PFKFB3: variants seen among roughly 807,000 people sequenced by gnomAD.
PFKFB3 encodes 6-phosphofructo-2-kinase/fructose-2,6-biphosphatase 3, also known as 6-phosphofructo-2-kinase/fructose-2,6-bisphosphatase 3.
Under a neutral mutation model 68.0 loss-of-function variants are expected in PFKFB3, and 33 were observed. That is an observed-to-expected ratio of 0.49 (90% CI 0.37 to 0.65). The LOEUF is 0.65. PFKFB3 is among the 30% of genes least tolerant of loss of function. The probability of loss-of-function intolerance (pLI) is 0.00; values close to 1 mark genes in which losing one functional copy is unlikely to be tolerated. For missense variants in PFKFB3, 586 were observed against 712.2 expected (o/e 0.82, Z 2.02); for synonymous variants, 315 against 288.2 (o/e 1.09, Z -0.94).
At chr10:6,178,932 A>G (rs777635167) in intron 1 of PFKFB3, among the ~76,000 whole-genome samples, 1 of 152,120 alleles carries the variant, frequency 6.6e-6, no homozygotes, top group Non-Finnish European at 1.5e-5. Flanking sequence ...ACTACCAGCC[A>G]CCACCTCCCC....
chr10:6,231,317 A>G, intron 14 of PFKFB3: 1 of 1,612,398 alleles, frequency 6.2e-7, no homozygotes, highest in East Asian at 2.2e-5. Flanking sequence ...TGTGGAAGGT[A>G]AATGCCTGGG....
chr10:6,167,996 G>T (rs1441044360), intron 1 of PFKFB3, among the ~76,000 whole-genome samples: 1 of 152,142 alleles, frequency 6.6e-6, no homozygotes, highest in African/African-American at 2.4e-5. Flanking sequence ...CTTCATCTGC[G>T]TCATCTCTAA....
the PFKFB3 span, among the ~76,000 whole-genome samples, chr10:6,305,489 G>A: frequency 6.6e-6 from 1 of 152,070 alleles, no homozygotes; most frequent in Non-Finnish European, 1.5e-5. Flanking sequence ...CCAATTTGTA[G>A]GCATTCCTAC....
intron 14 of PFKFB3, chr10:6,226,575 A>C: frequency 1.8e-6 from 1 of 559,674 alleles, no homozygotes; most frequent in South Asian, 2.2e-5. Flanking sequence ...GCACCCTCCG[A>C]AGTTAAGATC....
intron 1 of PFKFB3, among the ~76,000 whole-genome samples, chr10:6,169,602 C>T (rs575497102): frequency 1.3e-5 from 2 of 152,072 alleles, no homozygotes; most frequent in African/African-American, 4.8e-5. Flanking sequence ...ATGGTGAAGG[C>T]GGGTGGCTGA....
chr10:6,296,157 A>AATG, the PFKFB3 span, among the ~76,000 whole-genome samples: 1 of 152,210 alleles, frequency 6.6e-6, no homozygotes, highest in East Asian at 1.9e-4. Context: ...TTGTTGCAAG[A>AATG]ATGGGAGAGA....
intron 1 of PFKFB3, among the ~76,000 whole-genome samples, chr10:6,170,910 C>G (rs1208903018): frequency 6.6e-6 from 1 of 152,098 alleles, no homozygotes; most frequent in East Asian, 1.9e-4. Context: ...TGACAGGTCC[C>G]CAGGGGAAAT....
chr10:6,238,521 A>G (rs1467549808), downstream of PFKFB3, among the ~76,000 whole-genome samples: 1 of 149,196 alleles, frequency 6.7e-6, no homozygotes. Flanking sequence ...GGAATGCCAT[A>G]GTTCTCAGAC....
chr10:6,225,873 T>C (rs1390010852), intron 13 of PFKFB3, among the ~76,000 whole-genome samples: 1 of 152,158 alleles, frequency 6.6e-6, no homozygotes, highest in Non-Finnish European at 1.5e-5. Flanking sequence ...GAAGCAAAGC[T>C]CTTTTCTCCG....
chr10:6,164,423 TAACCC>T (rs1481555699), intron 1 of PFKFB3, among the ~76,000 whole-genome samples: 1 of 152,200 alleles, frequency 6.6e-6, no homozygotes, highest in African/African-American at 2.4e-5. Flanking sequence ...TGGGGATGTT[TAACCC>T]AGACATGGCA....
At chr10:6,313,659 T>G in the PFKFB3 span, among the ~76,000 whole-genome samples, 3 of 152,198 alleles carry the variant, frequency 2.0e-5, no homozygotes, top group Admixed American at 6.5e-5. The surrounding 1 kb of genome is among the most constrained non-coding windows in gnomAD (Gnocchi z 4.2). Flanking sequence ...GATTTGTTAG[T>G]CTCTTTCTGC....
intron 1 of PFKFB3, chr10:6,146,186 C>T (rs1436629238): frequency 7.2e-7 from 1 of 1,397,354 alleles, no homozygotes; most frequent in Non-Finnish European, 9.3e-7. Context: ...TGTGCTGTGC[C>T]GTCTCTCCCT....
chr10:6,298,574 C>T, the PFKFB3 span, among the ~76,000 whole-genome samples: 1 of 152,078 alleles, frequency 6.6e-6, no homozygotes, highest in Non-Finnish European at 1.5e-5. Flanking sequence ...CTATGTTGCC[C>T]TGGCTAGTGT....
upstream of PFKFB3, among the ~76,000 whole-genome samples, chr10:6,202,157 G>A (rs899983401): frequency 6.6e-6 from 1 of 152,224 alleles, no homozygotes; most frequent in Non-Finnish European, 1.5e-5. Flanking sequence ...AAAACCAGAT[G>A]CCAGCTGCCC....
the PFKFB3 span, among the ~76,000 whole-genome samples, chr10:6,324,187 G>A: frequency 3.3e-5 from 5 of 152,148 alleles, no homozygotes; most frequent in Admixed American, 2.6e-4. Context: ...ATGACATGAC[G>A]CTGAGTGGAA....
intron 14 of PFKFB3, among the ~76,000 whole-genome samples, chr10:6,227,552 T>C (rs1845438602): frequency 6.6e-6 from 1 of 152,208 alleles, no homozygotes; most frequent in Non-Finnish European, 1.5e-5. Context: ...GGGGGAATAA[T>C]GGCAGTGCAG....
intron 1 of PFKFB3, among the ~76,000 whole-genome samples, chr10:6,195,819 G>A (rs750007473): frequency 1.1e-4 from 17 of 152,182 alleles, no homozygotes; most frequent in African/African-American, 2.7e-4. Context: ...GGTGTGATAC[G>A]TGAGTTTCTC....
intron 14 of PFKFB3, 53 bp from the exon 15 acceptor site, chr10:6,232,842 A>T: frequency 7.2e-7 from 1 of 1,392,182 alleles, no homozygotes; most frequent in Non-Finnish European, 1.0e-6. Context: ...TTTAGAATTC[A>T]GCCAGCTACA....
intron 1 of PFKFB3, among the ~76,000 whole-genome samples, chr10:6,164,507 A>G (rs1299297025): frequency 6.6e-6 from 1 of 152,184 alleles, no homozygotes; most frequent in Non-Finnish European, 1.5e-5. Context: ...GCCCCTCCAC[A>G]CCTGTGGGTG....
Sources: allele counts gnomAD v4.1 joint callset (sites outside exome capture counted in the v4.1 genomes callset), GRCh38; gene constraint gnomAD v4.1.1; non-coding constraint Gnocchi (gnomAD v3.1); transcripts MANE v1.5; gene names NCBI Gene and HGNC (gene_info 2026-07-23, HGNC 2026-07-21).